The following SNTG1 variants were observed in gnomAD, a reference collection of about 807,000 sequenced individuals.
The protein encoded by SNTG1 is gamma-1-syntrophin.
Under a neutral mutation model 74.7 loss-of-function variants are expected in SNTG1, and 39 were observed. The ratio of observed to expected loss-of-function variants is 0.52; its 90% CI spans 0.40 to 0.68. SNTG1 has a LOEUF of 0.68. Ranked by LOEUF, SNTG1 falls within the 30% of genes least tolerant of loss-of-function variation. The pLI is 0.00. For synonymous variants in SNTG1, 254 were observed against 217.1 expected, an observed-to-expected ratio of 1.17 and a Z score of -1.49; for missense variants, 685 against 609.5, an observed-to-expected ratio of 1.12 and a Z score of -1.30.
chr8:50,154,450 C>T (rs1384465062), intron 1 of SNTG1, among the ~76,000 whole-genome samples: 1 of 152,112 alleles, frequency 6.6e-6, no homozygotes, highest in Non-Finnish European at 1.5e-5. Context: ...CCCCCACTGT[C>T]CAACGTGCCC....
chr8:50,776,222 A>G (rs1412131558), intron 18 of SNTG1, among the ~76,000 whole-genome samples: 1 of 150,104 alleles, frequency 6.7e-6, no homozygotes, highest in African/African-American at 2.4e-5. Context: ...TTAGAAATCA[A>G]TTTTATCCAT....
At chr8:50,443,341 T>A (rs1465597013) in intron 5 of SNTG1, among the ~76,000 whole-genome samples, 2 of 152,192 alleles carry the variant, frequency 1.3e-5, no homozygotes, top group Non-Finnish European at 2.9e-5. Context: ...TTTTATGCAG[T>A]ATTTTCCAAC....
At chr8:50,617,975 G>A (rs889826245) in intron 13 of SNTG1, among the ~76,000 whole-genome samples, 1 of 152,164 alleles carries the variant, frequency 6.6e-6, no homozygotes, top group Non-Finnish European at 1.5e-5. Context: ...AAGACAATAT[G>A]AGGGGTGGTC....
intron 8 of SNTG1, among the ~76,000 whole-genome samples, chr8:50,495,222 T>C (rs2093893399): frequency 6.6e-6 from 1 of 152,118 alleles, no homozygotes; most frequent in African/African-American, 2.4e-5. Context: ...GATTCCTATG[T>C]CATTTCTACA....
rs571307990 is a variant in SNTG1 at position 50,631,768 on chromosome 8, G to T, written c.850-25141G>T. Among the ~76,000 whole-genome samples the T allele has an allele frequency of 3.9e-4, 59 of 152,230 alleles. No homozygotes were observed. In the South Asian group the frequency reaches 6.4e-3, roughly 17 times the overall value. On this transcript the variant is annotated intron_variant, in intron 13 of 18. Coordinates refer to ENST00000642720, the MANE Select transcript of SNTG1 (RefSeq NM_018967.5). ...GAAATGTGATTTGTTCTACAGAAAA[G>T]CACAGTGTGAATCTATGGTTTAAGA...
intron 1 of SNTG1, among the ~76,000 whole-genome samples, chr8:49,967,441 CT>C (rs1811246259): frequency 2.0e-5 from 3 of 152,102 alleles, no homozygotes; most frequent in Admixed American, 1.3e-4. Flanking sequence ...TTACTTTCTG[CT>C]TTGGTAGATA....
intron 1 of SNTG1, among the ~76,000 whole-genome samples, chr8:50,135,134 A>G (rs982195850): frequency 6.6e-6 from 1 of 152,084 alleles, no homozygotes; most frequent in African/African-American, 2.4e-5. Context: ...AGCTCTTTCA[A>G]AGCCCTACCC....
intron 13 of SNTG1, among the ~76,000 whole-genome samples, chr8:50,604,421 A>C (rs2094797270): frequency 6.7e-6 from 1 of 149,148 alleles, no homozygotes; most frequent in African/African-American, 2.6e-5. Context: ...CTTTCAAAAA[A>C]GAAAGAAAAA....
intron 1 of SNTG1, among the ~76,000 whole-genome samples, chr8:49,956,682 T>A (rs1043222467): frequency 1.3e-5 from 2 of 152,206 alleles, no homozygotes; most frequent in Non-Finnish European, 2.9e-5. Flanking sequence ...TTTCTCTTTT[T>A]TTTTAATTTT....
At chr8:50,585,566 G>A (rs1036231622) in intron 12 of SNTG1, among the ~76,000 whole-genome samples, 5 of 152,086 alleles carry the variant, frequency 3.3e-5, no homozygotes, top group African/African-American at 4.8e-5. Flanking sequence ...CTTATTTGAA[G>A]ATCAGTCTTA....
chr8:50,754,676 CT>C (rs1171167561), intron 18 of SNTG1, among the ~76,000 whole-genome samples: 3 of 151,678 alleles, frequency 2.0e-5, no homozygotes, highest in Admixed American at 6.6e-5. Flanking sequence ...GAATTCTGCC[CT>C]TTTAATATTT....
At chr8:50,357,345 G>T (rs1433563680) in intron 2 of SNTG1, among the ~76,000 whole-genome samples, 2 of 152,198 alleles carry the variant, frequency 1.3e-5, no homozygotes, top group Admixed American at 6.5e-5. Context: ...AGTCCAACTG[G>T]ATGGAAACAA....
At chr8:50,427,340 T>C (rs1402605657) in intron 4 of SNTG1, among the ~76,000 whole-genome samples, 2 of 152,310 alleles carry the variant, frequency 1.3e-5, no homozygotes, top group East Asian at 3.9e-4. Context: ...TATTTACAAA[T>C]GGTATGAATC....
At chr8:50,296,638 G>A (rs1239090669) in intron 2 of SNTG1, among the ~76,000 whole-genome samples, 4 of 152,122 alleles carry the variant, frequency 2.6e-5, no homozygotes, top group South Asian at 4.1e-4. Flanking sequence ...GGGAGGGAAA[G>A]CATTAGGACA....
intron 2 of SNTG1, among the ~76,000 whole-genome samples, chr8:50,312,393 T>G (rs7817305): frequency 6.6e-6 from 1 of 152,156 alleles, no homozygotes; most frequent in African/African-American, 2.4e-5. Context: ...ATAATCTTGA[T>G]ATGAAATTTT....
intron 9 of SNTG1, among the ~76,000 whole-genome samples, chr8:50,508,154 T>A (rs1236150883): frequency 6.6e-6 from 1 of 152,068 alleles, no homozygotes; most frequent in Non-Finnish European, 1.5e-5. Context: ...TACCTATGAG[T>A]GAGAACAAGC....
rs147573039 is a variant in SNTG1 at position 50,615,838 on chromosome 8, C to A, written c.849+24921C>A. Among the ~76,000 whole-genome samples, 759 of 152,302 alleles carry A rather than the reference C, an allele frequency of 5.0e-3. 6 individuals are homozygous for A. Among genetic ancestry groups the A allele is most frequent in the African/African-American group, 0.017 (710 of 41,562 alleles). ...GGGCTGCAAAGATACAGGAAAGAGGCAACGCATTTGTCAGTGTTCTCCAGA... is the reference window on the plus strand; with the variant it reads ...GGGCTGCAAAGATACAGGAAAGAGGAAACGCATTTGTCAGTGTTCTCCAGA... On this transcript the variant is annotated intron_variant, in intron 13 of 18. Transcript: ENST00000642720.
intron 1 of SNTG1, among the ~76,000 whole-genome samples, chr8:49,924,096 A>G (rs929246492): frequency 1.3e-5 from 2 of 152,168 alleles, no homozygotes; most frequent in Non-Finnish European, 2.9e-5. Flanking sequence ...GGGTTAGTCT[A>G]TCAACTAGCT....
At chr8:49,937,821 GCAGA>G (rs936021614) in intron 1 of SNTG1, among the ~76,000 whole-genome samples, 3 of 152,260 alleles carry the variant, frequency 2.0e-5, no homozygotes, top group Non-Finnish European at 2.9e-5. Flanking sequence ...TGTCTTGGAG[GCAGA>G]CAGTTTTCTT....
Sources: allele counts gnomAD v4.1 joint callset (sites outside exome capture counted in the v4.1 genomes callset), GRCh38; gene constraint gnomAD v4.1.1; transcripts MANE v1.5; gene names NCBI Gene and HGNC (gene_info 2026-07-23, HGNC 2026-07-21).